FLT1: variants seen among roughly 807,000 people sequenced by gnomAD.
The protein encoded by FLT1 is vascular endothelial growth factor receptor 1.
FLT1 carries 49 observed loss-of-function variants against 156.3 expected under a neutral mutation model. That is an observed-to-expected ratio of 0.31 (90% CI 0.25 to 0.40). The LOEUF is 0.40. Ranked by LOEUF, FLT1 falls within the 10% of genes least tolerant of loss-of-function variation. The pLI is 1.00. For missense variants in FLT1, 1,322 were observed against 1,637.2 expected (o/e 0.81, Z 3.32); for synonymous variants, 594 against 583.8 (o/e 1.02, Z -0.25).
intron 10 of FLT1, among the ~76,000 whole-genome samples, chr13:28,417,671 G>GT (rs11450136): frequency 0.28 from 40,919 of 144,786 alleles, 5,990 homozygotes; most frequent in East Asian, 0.49. Flanking sequence ...CCTTAATTCC[G>GT]TTTTTTTTTT....
chr13:28,303,474 A>T, intron 29 of FLT1, 106 bp from the exon 30 acceptor site: 1 of 927,360 alleles, frequency 1.1e-6, no homozygotes, highest in Non-Finnish European at 1.6e-6. Flanking sequence ...ATACCTGTCT[A>T]GAGTTCATGG....
At chr13:28,312,223 C>T in intron 25 of FLT1, 125 bp from the exon 26 acceptor site, 2 of 720,568 alleles carry the variant, frequency 2.8e-6, no homozygotes, top group Non-Finnish European at 5.0e-6. Context: ...ACTATGTGAC[C>T]CTGCTTCATT....
rs769997743 is a variant in FLT1, at chr13:28,301,093, GAATT to G, written c.*2070_*2073del. On this transcript the variant is annotated 3_prime_UTR_variant, in exon 30 of 30. Transcript: ENST00000282397. ...TTTATTATGGTCTCTTAATGATTAA[GAATT>G]AATTATTGAAATCAAGACATGAATA... The G allele has an allele frequency of 2.6e-5, 6 of 229,446 alleles. No homozygotes were observed. The highest frequency in any genetic ancestry group is 4.3e-5 in the Non-Finnish European group (5 of 116,598). 14.2% of individuals were successfully genotyped at this position (229,446 alleles called of 1,614,324 possible). A position where few individuals can be genotyped will look rare whatever the true frequency, so the allele number is the denominator to read the frequency against.
intron 29 of FLT1, among the ~76,000 whole-genome samples, chr13:28,303,758 A>G (rs1870619514): frequency 6.6e-6 from 1 of 152,194 alleles, no homozygotes; most frequent in South Asian, 2.1e-4. Flanking sequence ...TTCATATTTT[A>G]TATCCCTTCT....
rs1565990433 is a variant in FLT1 at position 28,372,068 on chromosome 13, ATATATATATTTTT to A, written c.2116+12804_2116+12816del. On this transcript the variant is annotated intron_variant, in intron 14 of 29. Coordinates refer to ENST00000282397, the MANE Select transcript of FLT1 (RefSeq NM_002019.4). ...TGTGTGTATATATATATATATATATATATATATATTTTTTTTTTTTTTTTTTTTTTTGAGACAG... is the reference window on the plus strand; with the variant it reads ...TGTGTGTATATATATATATATATATATTTTTTTTTTTTTTTTTTGAGACAG... 7.0e-3 allele frequency among the ~76,000 whole-genome samples: 141 copies of A among 20,160 alleles called. 1 individual carries two copies. Among genetic ancestry groups the A allele is most frequent in the African/African-American group, 9.5e-3 (69 of 7,294 alleles). 13.2% of individuals were successfully genotyped at this position (20,160 alleles called of 152,430 possible).
At chr13:28,336,464 G>A (rs145438396) in intron 17 of FLT1, among the ~76,000 whole-genome samples, 1 of 152,256 alleles carries the variant, frequency 6.6e-6, no homozygotes, top group Non-Finnish European at 1.5e-5. Flanking sequence ...TAACTAGCTC[G>A]GAAGTGTGCT....
chr13:28,457,256 G>C (rs890327331), intron 3 of FLT1, among the ~76,000 whole-genome samples: 40 of 152,094 alleles, frequency 2.6e-4, no homozygotes, highest in African/African-American at 9.7e-4. Flanking sequence ...TTGTTGTAAG[G>C]ATAAAATCTG....
intron 3 of FLT1, among the ~76,000 whole-genome samples, chr13:28,453,096 C>CTGA: frequency 1.5e-5 from 1 of 65,316 alleles, no homozygotes; most frequent in Non-Finnish European, 2.7e-5. Flanking sequence ...CCTTTCCTTT[C>CTGA]CTTTCCTTTC....
intron 3 of FLT1, among the ~76,000 whole-genome samples, chr13:28,453,414 C>T (rs976421377): frequency 1.6e-4 from 25 of 152,222 alleles, no homozygotes; most frequent in Admixed American, 3.9e-4. Flanking sequence ...TAAGCCACCA[C>T]GCCTGGCAGG....
intron 14 of FLT1, among the ~76,000 whole-genome samples, chr13:28,372,575 TATATATATA>T (rs1873661102): frequency 2.8e-5 from 1 of 35,372 alleles, no homozygotes; most frequent in Non-Finnish European, 5.8e-5. Context: ...TGTATATATA[TATATATATA>T]TATATATATA....
At position 28,495,069 on chromosome 13, in the gene FLT1, C is replaced by G. The variant is rs1232270874; in HGVS notation, c.-226G>C. On this transcript the variant is annotated 5_prime_UTR_variant, in exon 1 of 30. Coordinates refer to ENST00000282397, the MANE Select transcript of FLT1 (RefSeq NM_002019.4). The surrounding 1 kb of genome is among the most constrained non-coding windows in gnomAD (Gnocchi z 4.1). ...GCCCGCTCCGAGCCGCCGCCGCTGC[C>G]GGGGAGGAGCCGAGAGGAGTGTCCG... 1.7e-5 allele frequency: 8 copies of G among 468,466 alleles called. No homozygotes were observed. Among genetic ancestry groups the G allele is most frequent in the Non-Finnish European group, 3.0e-5 (8 of 269,912 alleles). 29.0% of individuals were successfully genotyped at this position (468,466 alleles called of 1,614,324 possible).
intron 1 of FLT1, among the ~76,000 whole-genome samples, chr13:28,474,002 G>A (rs972558479): frequency 1.3e-5 from 2 of 152,080 alleles, no homozygotes; most frequent in Non-Finnish European, 2.9e-5. Flanking sequence ...GGCCCACAGA[G>A]AAAACGTCAT....
At position 28,303,216 on chromosome 13, in the gene FLT1, G is replaced by C. The variant is rs536239359; in HGVS notation, c.3968C>G (p.Pro1323Arg). 6 of 1,613,298 alleles carry C rather than the reference G, an allele frequency of 3.7e-6. No individual in the cohort carries two copies. The highest frequency in any genetic ancestry group is 5.1e-6 in the Non-Finnish European group (6 of 1,179,990). The change falls in exon 30 of 30, where the codon CCG (proline) becomes CGG (arginine). Residue 1323 changes from proline to arginine, a missense_variant. Pro to Arg is a moderately radical substitution (Grantham distance 103). This residue lies in a region of FLT1 where 329 missense variants were observed against 366.2 expected (regional missense o/e 0.90). Coordinates refer to ENST00000282397, the MANE Select transcript of FLT1 (RefSeq NM_002019.4). ...GACCACCGAGTTGTAGTCTGGGGGC[G>C]GGGAGCAGCACGCGATTTTCCTTTC... ...ELERKIACCS[P>R]PPDYNSVVLY...
intron 16 of FLT1, among the ~76,000 whole-genome samples, chr13:28,340,900 G>C (rs1447777185): frequency 6.6e-6 from 1 of 152,080 alleles, no homozygotes; most frequent in Non-Finnish European, 1.5e-5. Context: ...TAGACTATGA[G>C]GGCCCGGCCT....
At chr13:28,381,830 C>T (rs1166106790) in intron 14 of FLT1, among the ~76,000 whole-genome samples, 1 of 152,130 alleles carries the variant, frequency 6.6e-6, no homozygotes, top group Non-Finnish European at 1.5e-5. Context: ...ATGGGCCCCA[C>T]CCCCATGCCA....
At chr13:28,399,196 G>A in intron 11 of FLT1, 1 of 924,412 alleles carries the variant, frequency 1.1e-6, no homozygotes, top group Non-Finnish European at 1.6e-6. Flanking sequence ...CTTCAAAGCA[G>A]TATGCAAAAA....
At chr13:28,385,681 T>C in intron 13 of FLT1, 1 of 988,296 alleles carries the variant, frequency 1.0e-6, no homozygotes, top group Non-Finnish European at 1.2e-6. Context: ...GTACAAATAT[T>C]GTATTTTATA....
intron 7 of FLT1, 40 bp downstream of exon 7, chr13:28,431,096 G>C (rs371125715): frequency 5.1e-5 from 78 of 1,536,500 alleles, no homozygotes; most frequent in Non-Finnish European, 7.0e-5. Context: ...ACAATGATTA[G>C]AAAGCATAGC....
At chr13:28,330,179 G>T (rs4771240) in intron 18 of FLT1, among the ~76,000 whole-genome samples, 143,850 of 152,294 alleles carry the variant, frequency 0.94, 68,303 homozygotes, top group East Asian at 1. Flanking sequence ...AATGGCTACT[G>T]TTGTAAACAT....
Sources: gnomAD v4.1 joint callset for allele counts (sites outside exome capture counted in the v4.1 genomes callset) on GRCh38, gnomAD v4.1.1 for gene constraint, gnomAD v4.1.1 regional missense constraint, Gnocchi (gnomAD v3.1) non-coding constraint, MANE v1.5 for transcripts, NCBI Gene and HGNC (gene_info 2026-07-23, HGNC 2026-07-21) for gene names.